UNC79: variants seen among roughly 807,000 people sequenced by gnomAD.
The protein encoded by UNC79 is unc-79 subunit of NALCN channel complex, also known as protein unc-79 homolog.
In UNC79, 37 loss-of-function variants were observed where a neutral mutation model predicts 283.1. That is an observed-to-expected ratio of 0.13 (90% CI 0.10 to 0.17). The LOEUF (loss-of-function observed/expected upper bound fraction) is 0.17. Among genes scored for constraint, UNC79 ranks in the 10% least tolerant of loss-of-function variants. The pLI, the probability that UNC79 is intolerant of heterozygous loss-of-function variation, is 1.00. For synonymous variants in UNC79, 1,107 were observed against 1,200.2 expected (o/e 0.92, Z 1.61); for missense variants, 2,272 against 3,211.1 (o/e 0.71, Z 7.07).
intron 16 of UNC79, among the ~76,000 whole-genome samples, chr14:93,573,028 C>T (rs745748085): frequency 1.1e-4 from 17 of 152,100 alleles, no homozygotes; most frequent in Non-Finnish European, 2.2e-4. Context: ...ATAAATTGTG[C>T]AATAATATTA....
At chr14:93,347,944 G>A in intron 1 of UNC79, 2 of 823,040 alleles carry the variant, frequency 2.4e-6, no homozygotes, top group South Asian at 2.8e-5. Flanking sequence ...TGCTCAAAAT[G>A]TTTTTTTTAA....
intron 1 of UNC79, among the ~76,000 whole-genome samples, chr14:93,449,559 A>G (rs568390876): frequency 1.2e-4 from 19 of 152,082 alleles, no homozygotes; most frequent in African/African-American, 4.3e-4. Context: ...TTGAGGTTGC[A>G]GTGACCAGTG....
At chr14:93,480,275 G>A (rs1228243297) in intron 4 of UNC79, among the ~76,000 whole-genome samples, 1 of 152,110 alleles carries the variant, frequency 6.6e-6, no homozygotes, top group Non-Finnish European at 1.5e-5. Flanking sequence ...TTGAAGGTAT[G>A]AACAAGTCAC....
intron 1 of UNC79, among the ~76,000 whole-genome samples, chr14:93,339,735 C>CT (rs2053663927): frequency 6.6e-6 from 1 of 152,250 alleles, no homozygotes; most frequent in Non-Finnish European, 1.5e-5. Flanking sequence ...TCAGGACATT[C>CT]TGTTTGTCCG....
intron 1 of UNC79, among the ~76,000 whole-genome samples, chr14:93,462,021 A>G (rs2056979746): frequency 6.6e-6 from 1 of 152,062 alleles, no homozygotes; most frequent in Non-Finnish European, 1.5e-5. Context: ...TTAAGGAAAA[A>G]ATGGGCTAGG....
At chr14:93,583,711 GGGGGAAGAGGA>G (rs1247424548) in intron 20 of UNC79, among the ~76,000 whole-genome samples, 3 of 152,128 alleles carry the variant, frequency 2.0e-5, no homozygotes, top group Non-Finnish European at 4.4e-5. Context: ...GCAACCCCTG[GGGGGAAGAGGA>G]GGGCAAAATA....
chr14:93,361,353 C>T (rs887808097), intron 1 of UNC79, among the ~76,000 whole-genome samples: 2 of 151,118 alleles, frequency 1.3e-5, no homozygotes, highest in African/African-American at 4.9e-5. Flanking sequence ...GAGACCCTAT[C>T]TCTATTAAAA....
intron 12 of UNC79, among the ~76,000 whole-genome samples, chr14:93,539,439 T>C (rs1408083026): frequency 6.6e-6 from 1 of 151,358 alleles, no homozygotes; most frequent in Non-Finnish European, 1.5e-5. Context: ...GATAATCGCT[T>C]GAACCTGGGA....
intron 41 of UNC79, among the ~76,000 whole-genome samples, chr14:93,680,011 G>T (rs1312522433): frequency 6.6e-6 from 1 of 152,144 alleles, no homozygotes; most frequent in Non-Finnish European, 1.5e-5. Context: ...GTAAAAATAT[G>T]CTGGATGACA....
chr14:93,558,993 T>TTC (rs901271823), intron 14 of UNC79, among the ~76,000 whole-genome samples: 12 of 152,138 alleles, frequency 7.9e-5, no homozygotes, highest in African/African-American at 2.9e-4. Context: ...GTGCTGCCAA[T>TTC]TCTCTCCTCT....
At chr14:93,460,650 C>T (rs1008328307) in intron 1 of UNC79, among the ~76,000 whole-genome samples, 3 of 151,916 alleles carry the variant, frequency 2.0e-5, no homozygotes, top group South Asian at 2.1e-4. Context: ...TAATTCTTAC[C>T]GAGAGCTTTA....
intron 1 of UNC79, among the ~76,000 whole-genome samples, chr14:93,405,338 T>A (rs1238551770): frequency 6.6e-6 from 1 of 150,418 alleles, no homozygotes; most frequent in Admixed American, 6.6e-5. Flanking sequence ...CTAAATAACA[T>A]AACCTTTAAA....
At chr14:93,673,499 T>A in intron 41 of UNC79, 44 bp downstream of exon 44, 1 of 1,559,526 alleles carries the variant, frequency 6.4e-7, no homozygotes, top group South Asian at 1.1e-5. Context: ...GAGATCCATG[T>A]ATGTTTGGGA....
rs147104511 is a variant in UNC79 at position 93,619,307 on chromosome 14, A to G, written c.4387+953A>G. Among the ~76,000 whole-genome samples the G allele has an allele frequency of 5.8e-4, 89 of 152,276 alleles. 2 individuals are homozygous for G. The East Asian group carries it at 0.017, about 28-fold the overall frequency. ...GCAAATTGGGGAGATCTGTTAAGCT[A>G]TGGATGTTTTCAGCGTGGGCTTAGT... On this transcript the variant is annotated intron_variant, in intron 29 of 48. Coordinates refer to ENST00000555664, the Ensembl canonical transcript of UNC79.
rs572185866 is a variant in UNC79 at position 93,610,560 on chromosome 14, A to C, written c.3755-2237A>C. ...AATGGCCTTCTAGTTGTAAAGTAATACTCTAGTGGAAAAACAAATCTAGAG... is the reference window on the plus strand; with the variant it reads ...AATGGCCTTCTAGTTGTAAAGTAATCCTCTAGTGGAAAAACAAATCTAGAG... On this transcript the variant is annotated intron_variant, in intron 26 of 48. Coordinates refer to ENST00000555664, the Ensembl canonical transcript of UNC79. Among the ~76,000 whole-genome samples, 8 of 151,248 alleles carry C rather than the reference A, an allele frequency of 5.3e-5. No individual in the cohort carries two copies. In the South Asian group the frequency reaches 1.5e-3, roughly 28 times the overall value.
intron 1 of UNC79, among the ~76,000 whole-genome samples, chr14:93,404,861 T>C (rs528901411): frequency 7.9e-5 from 12 of 151,944 alleles, no homozygotes; most frequent in Non-Finnish European, 1.8e-4. Context: ...GGAAAATTAT[T>C]ATATACGAAG....
At chr14:93,578,153 A>T in intron 18 of UNC79, 90 bp downstream of exon 18, 1 of 1,222,446 alleles carries the variant, frequency 8.2e-7, no homozygotes, top group Non-Finnish European at 1.1e-6. Context: ...GGGCATCTCC[A>T]CACTTATCAA....
intron 1 of UNC79, among the ~76,000 whole-genome samples, chr14:93,382,546 A>G (rs1160562543): frequency 3.3e-5 from 5 of 152,200 alleles, no homozygotes; most frequent in African/African-American, 1.2e-4. Flanking sequence ...GCCAATCGTT[A>G]ATAGTTTGCA....
intron 14 of UNC79, among the ~76,000 whole-genome samples, chr14:93,565,198 C>T (rs1224511074): frequency 6.6e-6 from 1 of 152,228 alleles, no homozygotes; most frequent in African/African-American, 2.4e-5. Flanking sequence ...TACAATCTTC[C>T]TGGACGTAGT....
Sources: allele counts gnomAD v4.1 joint callset (sites outside exome capture counted in the v4.1 genomes callset), GRCh38; gene constraint gnomAD v4.1.1; transcripts MANE v1.5; gene names NCBI Gene and HGNC (gene_info 2026-07-23, HGNC 2026-07-21).